Variants in VTA1 observed in about 807,000 individuals in gnomAD.
VTA1 encodes vacuolar protein sorting-associated protein VTA1 homolog.
A neutral mutation model predicts 36.9 loss-of-function variants in VTA1; 24 were observed. The ratio of observed to expected loss-of-function variants is 0.65; its 90% CI spans 0.47 to 0.91. VTA1 has a LOEUF of 0.91. Among genes scored for constraint, VTA1 ranks in the 40% least tolerant of loss-of-function variants. VTA1 has a pLI of 0.00. For missense variants in VTA1, 393 were observed against 377.2 expected, an observed-to-expected ratio of 1.04 and a Z score of -0.35; for synonymous variants, 142 against 130.2, an observed-to-expected ratio of 1.09 and a Z score of -0.62.
intron 1 of VTA1, among the ~76,000 whole-genome samples, chr6:142,153,768 A>T (rs1279580174): frequency 6.6e-6 from 1 of 152,116 alleles, no homozygotes; most frequent in Non-Finnish European, 1.5e-5. Context: ...TATTTGAAAC[A>T]TCCCTCCATT....
At chr6:142,196,035 A>G (rs1274119274) in intron 5 of VTA1, among the ~76,000 whole-genome samples, 1 of 152,138 alleles carries the variant, frequency 6.6e-6, no homozygotes, top group African/African-American at 2.4e-5. Context: ...TAAATCTCCA[A>G]GTACAGTGGT....
In VTA1 at chr6:142,198,114, T is replaced by A. The variant is rs1323794748; in HGVS notation, c.521-325T>A. On this transcript the variant is annotated intron_variant, in intron 5 of 7. Transcript: ENST00000367630. ...TCCGTCTCAAAAAAAAATATATATATATATATGTGTGTGTGTGTGTGTGTG... is the reference window on the plus strand; with the variant it reads ...TCCGTCTCAAAAAAAAATATATATAAATATATGTGTGTGTGTGTGTGTGTG... Among the ~76,000 whole-genome samples the A allele has an allele frequency of 1.3e-3, 97 of 74,086 alleles. 3 individuals carry two copies. The highest frequency in any genetic ancestry group is 2.3e-3 in the Admixed American group (20 of 8,664). 48.6% of individuals were successfully genotyped at this position (74,086 alleles called of 152,430 possible). A position where few individuals can be genotyped will look rare whatever the true frequency, so the allele number is the denominator to read the frequency against.
rs200348683 is a variant in VTA1 at position 142,188,225 on chromosome 6, CT to C, written c.412-1173del. Among the ~76,000 whole-genome samples the C allele has an allele frequency of 9.8e-3, 774 of 78,836 alleles. 1 individual carries two copies. The highest frequency in any genetic ancestry group is 0.03 in the African/African-American group (618 of 20,530). 51.7% of individuals were successfully genotyped at this position (78,836 alleles called of 152,430 possible). ...TGCCTAGCCCTCTATTTCTTTATTTCTTTTTTTTTTTTTTTTTTTTTTTTTT... is the reference window on the plus strand; with the variant it reads ...TGCCTAGCCCTCTATTTCTTTATTTCTTTTTTTTTTTTTTTTTTTTTTTTT... On this transcript the variant is annotated intron_variant, in intron 4 of 7. Transcript: ENST00000367630.
At chr6:142,207,356 A>G (rs1366449423) in intron 7 of VTA1, among the ~76,000 whole-genome samples, 1 of 152,162 alleles carries the variant, frequency 6.6e-6, no homozygotes, top group Non-Finnish European at 1.5e-5. Flanking sequence ...CAGGGAAAAT[A>G]TCACTGAAGA....
Position 142,221,259 on chromosome 6 carries a change from G to GA in VTA1, c.*2619dup. On this transcript the variant is annotated 3_prime_UTR_variant, in exon 8 of 8. Coordinates refer to ENST00000367630, the MANE Select transcript of VTA1 (RefSeq NM_016485.5). Reference sequence around the variant, plus strand: ...TTAAATAGTGATAAATGCTATGGAGGAAACATTGAGGACAGGATAGGAGAT... The same window carrying GA: ...TTAAATAGTGATAAATGCTATGGAGGAAAACATTGAGGACAGGATAGGAGAT... The GA allele has an allele frequency of 1.3e-5, 2 of 152,314 alleles. No individual in the cohort carries two copies. Among genetic ancestry groups the GA allele is most frequent in the Middle Eastern group, 6.8e-3 (2 of 294 alleles). 9.4% of individuals were successfully genotyped at this position (152,314 alleles called of 1,614,324 possible). A position where few individuals can be genotyped will look rare whatever the true frequency, so the allele number is the denominator to read the frequency against.
At chr6:142,162,346 C>T (rs886243666) in intron 1 of VTA1, among the ~76,000 whole-genome samples, 5 of 152,234 alleles carry the variant, frequency 3.3e-5, no homozygotes, top group African/African-American at 1.2e-4. Context: ...TAACTCTGCT[C>T]CATGAATGGT....
At chr6:142,184,246 G>T (rs1645105611) in intron 4 of VTA1, among the ~76,000 whole-genome samples, 1 of 152,132 alleles carries the variant, frequency 6.6e-6, no homozygotes, top group South Asian at 2.1e-4. Flanking sequence ...TTGCAGCGTG[G>T]TAATTGTAGT....
intron 4 of VTA1, among the ~76,000 whole-genome samples, chr6:142,180,492 A>G (rs1320942682): frequency 6.6e-6 from 1 of 152,250 alleles, no homozygotes; most frequent in Non-Finnish European, 1.5e-5. Flanking sequence ...AACTATAAAT[A>G]TACAAATAGT....
chr6:142,203,822 T>C (rs1775735318), intron 6 of VTA1, among the ~76,000 whole-genome samples, 163 bp from the exon 7 acceptor site: 2 of 152,180 alleles, frequency 1.3e-5, no homozygotes, highest in African/African-American at 4.8e-5. Flanking sequence ...TGTAAACACT[T>C]GATATCCTCC....
intron 4 of VTA1, among the ~76,000 whole-genome samples, chr6:142,183,910 A>G (rs2114659458): frequency 6.6e-6 from 1 of 152,322 alleles, no homozygotes; most frequent in South Asian, 2.1e-4. Context: ...AATTTCACAT[A>G]CTAATGCAGA....
chr6:142,154,581 T>C (rs1253373765), intron 1 of VTA1, among the ~76,000 whole-genome samples: 4 of 152,094 alleles, frequency 2.6e-5, no homozygotes, highest in Non-Finnish European at 5.9e-5. Flanking sequence ...TTTACACTCT[T>C]ATTGGCAACA....
intron 7 of VTA1, among the ~76,000 whole-genome samples, chr6:142,204,427 C>G (rs1190971985): frequency 6.6e-6 from 1 of 152,108 alleles, no homozygotes; most frequent in Non-Finnish European, 1.5e-5. Context: ...CTTATCTACA[C>G]TGTTATTAAA....
rs1776151545 is a variant in VTA1, at chr6:142,223,544, CCT to C, written c.*4902_*4903del. 1 of 152,182 alleles carries C rather than the reference CCT, an allele frequency of 6.6e-6. No homozygotes were observed. The highest frequency in any genetic ancestry group is 2.4e-5 in the African/African-American group (1 of 41,536). The allele number at this position is 152,182 out of a possible 1,614,324, so 9.4% of individuals were successfully genotyped here. A position where few individuals can be genotyped will look rare whatever the true frequency, so the allele number is the denominator to read the frequency against. ...TCCCTGAAAGTCTTAGGCAAAAGCC[CCT>C]GTCTCTTACTTCATATATCAAGTTT... On this transcript the variant is annotated 3_prime_UTR_variant, in exon 8 of 8. Coordinates refer to ENST00000367630, the MANE Select transcript of VTA1 (RefSeq NM_016485.5).
chr6:142,178,921 G>T (rs1057213891), intron 4 of VTA1, among the ~76,000 whole-genome samples: 30 of 152,100 alleles, frequency 2.0e-4, no homozygotes, highest in African/African-American at 7.2e-4. Flanking sequence ...GCTTAATGCA[G>T]ATACTAAGTA....
At chr6:142,180,505 TA>T (rs1441390407) in intron 4 of VTA1, among the ~76,000 whole-genome samples, 1 of 152,172 alleles carries the variant, frequency 6.6e-6, no homozygotes, top group African/African-American at 2.4e-5. Flanking sequence ...CAAATAGTGA[TA>T]AAATTAAATT....
chr6:142,166,926 G>A (rs904878423), intron 2 of VTA1, among the ~76,000 whole-genome samples: 1 of 152,030 alleles, frequency 6.6e-6, no homozygotes, highest in African/African-American at 2.4e-5. Flanking sequence ...ATGCCCAGCC[G>A]TGAAAAACCC....
chr6:142,203,393 T>A (rs1209164555), intron 6 of VTA1, among the ~76,000 whole-genome samples: 1 of 152,048 alleles, frequency 6.6e-6, no homozygotes, highest in Non-Finnish European at 1.5e-5. Context: ...CTTTTAACAC[T>A]TTTTGTTAGT....
At chr6:142,182,512 G>A (rs1775261734) in intron 4 of VTA1, among the ~76,000 whole-genome samples, 2 of 152,194 alleles carry the variant, frequency 1.3e-5, no homozygotes, top group Admixed American at 1.3e-4. Context: ...TTGCCAAAGA[G>A]GACATGTTGA....
At chr6:142,185,868 A>G (rs184021764) in intron 4 of VTA1, among the ~76,000 whole-genome samples, 128 of 152,286 alleles carry the variant, frequency 8.4e-4, no homozygotes, top group African/African-American at 2.9e-3. Context: ...TACATTGGAG[A>G]TATGTATACT....
Sources: allele counts gnomAD v4.1 joint callset (sites outside exome capture counted in the v4.1 genomes callset), GRCh38; gene constraint gnomAD v4.1.1; transcripts MANE v1.5; gene names NCBI Gene and HGNC (gene_info 2026-07-23, HGNC 2026-07-21).